LPP: variants seen among roughly 807,000 people sequenced by gnomAD.
LPP encodes the protein LIM domain containing preferred translocation partner in lipoma.
LPP carries 38 observed loss-of-function variants against 60.4 expected under a neutral mutation model. That is an observed-to-expected ratio of 0.63 (90% CI 0.49 to 0.83). The LOEUF (loss-of-function observed/expected upper bound fraction) is 0.83, where lower values mean the gene tolerates loss of function less well. Ranked by LOEUF, LPP falls within the 40% of genes least tolerant of loss-of-function variation. The probability of loss-of-function intolerance (pLI) is 0.00; values close to 1 mark genes in which losing one functional copy is unlikely to be tolerated. For synonymous variants in LPP, 328 were observed against 290.8 expected (o/e 1.13, Z -1.30); for missense variants, 902 against 783.6 (o/e 1.15, Z -1.80).
chr3:188,485,795 T>C (rs1300682274), intron 5 of LPP, among the ~76,000 whole-genome samples: 1 of 1,202 alleles, frequency 8.3e-4, no homozygotes. Context: ...AGACTCCGTC[T>C]CAAAAAAAAA....
chr3:188,349,671 A>G (rs1025756083), intron 3 of LPP, among the ~76,000 whole-genome samples: 1 of 152,168 alleles, frequency 6.6e-6, no homozygotes, highest in African/African-American at 2.4e-5. Flanking sequence ...ATCCTCTGCA[A>G]TAGGTTCAGT....
chr3:188,240,107 C>G (rs944141478), intron 2 of LPP: 1 of 194,532 alleles, frequency 5.1e-6, no homozygotes, highest in African/African-American at 2.3e-5. Context: ...ATGGATACAT[C>G]TGTGACCTGG....
intron 6 of LPP, among the ~76,000 whole-genome samples, chr3:188,564,604 A>C (rs1177266326): frequency 1.3e-5 from 2 of 151,958 alleles, no homozygotes; most frequent in Non-Finnish European, 2.9e-5. Flanking sequence ...TTCAGGTTGC[A>C]GGAACCAAGA....
intron 8 of LPP, among the ~76,000 whole-genome samples, chr3:188,754,465 G>A (rs961672484): frequency 2.6e-5 from 4 of 152,048 alleles, no homozygotes; most frequent in Non-Finnish European, 4.4e-5. Context: ...TTTTGCATGC[G>A]GACGAAACCT....
At chr3:188,649,785 A>G (rs1851744618) in intron 7 of LPP, among the ~76,000 whole-genome samples, 1 of 152,206 alleles carries the variant, frequency 6.6e-6, no homozygotes, top group Non-Finnish European at 1.5e-5. Flanking sequence ...CAAGAGTCTC[A>G]TGATTAAGAA....
intron 3 of LPP, among the ~76,000 whole-genome samples, chr3:188,373,252 T>A (rs1333645496): frequency 6.6e-6 from 1 of 152,222 alleles, no homozygotes; most frequent in Non-Finnish European, 1.5e-5. Context: ...AAATGGTATT[T>A]CTAGTTCTAG....
At chr3:188,262,447 C>T (rs1733995276) in intron 2 of LPP, among the ~76,000 whole-genome samples, 1 of 151,870 alleles carries the variant, frequency 6.6e-6, no homozygotes, top group Admixed American at 6.6e-5. Context: ...ACTACTGTGA[C>T]ATTTTATTTG....
In LPP at chr3:188,884,997, T is replaced by A. The variant is rs1295028345; in HGVS notation, c.*10518T>A. On this transcript the variant is annotated 3_prime_UTR_variant, in exon 12 of 12. Transcript: ENST00000617246. ...TATAATTACAAGGAATTTGGTACCA[T>A]GTTGTTTTCAAAAAACCTCCTAGAA... The A allele has an allele frequency of 4.7e-6, 1 of 212,862 alleles. No individual in the cohort carries two copies. The highest frequency in any genetic ancestry group is 9.5e-6 in the Non-Finnish European group (1 of 105,160). 13.2% of individuals were successfully genotyped at this position (212,862 alleles called of 1,614,324 possible).
At chr3:188,767,520 T>A (rs1224839818) in intron 9 of LPP, among the ~76,000 whole-genome samples, 1 of 152,182 alleles carries the variant, frequency 6.6e-6, no homozygotes, top group African/African-American at 2.4e-5. Context: ...TAACGTTAAT[T>A]TAATCCACAT....
At chr3:188,247,800 G>T (rs903981417) in intron 2 of LPP, among the ~76,000 whole-genome samples, 2 of 78,672 alleles carry the variant, frequency 2.5e-5, no homozygotes, top group Non-Finnish European at 5.7e-5. Flanking sequence ...CTCCATCTCA[G>T]AAAAAAAAAA....
chr3:188,437,116 T>C (rs952389776), intron 4 of LPP, among the ~76,000 whole-genome samples: 11 of 152,278 alleles, frequency 7.2e-5, no homozygotes, highest in African/African-American at 2.6e-4. Context: ...CTGCTTACCA[T>C]GGTAATAATT....
chr3:188,400,753 A>T (rs947915853), intron 3 of LPP, among the ~76,000 whole-genome samples: 4 of 152,074 alleles, frequency 2.6e-5, no homozygotes, highest in South Asian at 2.1e-4. Context: ...CTTCCCTTTC[A>T]CTTCTTGCTT....
At chr3:188,722,221 A>G (rs1716709450) in intron 8 of LPP, among the ~76,000 whole-genome samples, 1 of 152,182 alleles carries the variant, frequency 6.6e-6, no homozygotes, top group African/African-American at 2.4e-5. Context: ...GAAGAATACC[A>G]TGCACTAAGT....
At chr3:188,290,158 T>TAG in intron 2 of LPP, among the ~76,000 whole-genome samples, 1 of 152,220 alleles carries the variant, frequency 6.6e-6, no homozygotes, top group East Asian at 1.9e-4. Flanking sequence ...GTATTTTTAA[T>TAG]AGAGACGAGG....
chr3:188,532,880 G>C (rs1338823314), intron 6 of LPP, among the ~76,000 whole-genome samples: 1 of 152,080 alleles, frequency 6.6e-6, no homozygotes, highest in Non-Finnish European at 1.5e-5. Context: ...GAAGGTTGGG[G>C]GCTGGTCCTT....
At chr3:188,779,954 A>AAC (rs1739110858) in intron 9 of LPP, among the ~76,000 whole-genome samples, 1 of 151,260 alleles carries the variant, frequency 6.6e-6, no homozygotes, top group Admixed American at 6.6e-5. Context: ...TTCTTATTTA[A>AAC]ATATATATAT....
intron 9 of LPP, among the ~76,000 whole-genome samples, chr3:188,804,243 TTATATA>T (rs60989319): frequency 0.041 from 1,526 of 37,668 alleles, 46 homozygotes; most frequent in African/African-American, 0.043. Flanking sequence ...TAGTGCATCT[TTATATA>T]TATATATATA....
At chr3:188,634,866 A>T (rs1426533919) in intron 7 of LPP, among the ~76,000 whole-genome samples, 2 of 152,196 alleles carry the variant, frequency 1.3e-5, no homozygotes, top group Non-Finnish European at 1.5e-5. Flanking sequence ...AATGTAAAGT[A>T]CTTGAATCAA....
In LPP at chr3:188,577,058, A is replaced by G. The variant is rs534290162; in HGVS notation, c.430-32103A>G. On this transcript the variant is annotated intron_variant, in intron 6 of 11. Transcript: ENST00000617246. ...GACGTGTTGTGTAGAAAGGAGTAAGAAGCATTTTGGAAGTGGCAAAGTGGC... is the reference window on the plus strand; with the variant it reads ...GACGTGTTGTGTAGAAAGGAGTAAGGAGCATTTTGGAAGTGGCAAAGTGGC... Among the ~76,000 whole-genome samples, 244 of 152,260 alleles carry G rather than the reference A, an allele frequency of 1.6e-3. 1 individual carries two copies. The highest frequency in any genetic ancestry group is 5.6e-3 in the African/African-American group (231 of 41,562).
Sources: allele counts gnomAD v4.1 joint callset (sites outside exome capture counted in the v4.1 genomes callset), GRCh38; gene constraint gnomAD v4.1.1; transcripts MANE v1.5; gene names NCBI Gene and HGNC (gene_info 2026-07-23, HGNC 2026-07-21).